Variants in MYRIP observed in about 807,000 individuals in gnomAD.
The protein encoded by MYRIP is rab effector MyRIP.
In MYRIP, 49 loss-of-function variants were observed where a neutral mutation model predicts 98.0. The ratio of observed to expected loss-of-function variants is 0.50; its 90% CI spans 0.40 to 0.63. MYRIP has a LOEUF of 0.63. MYRIP is among the 30% of genes least tolerant of loss of function. The pLI, the probability that MYRIP is intolerant of heterozygous loss-of-function variation, is 0.00. For missense variants in MYRIP, 1,004 were observed against 1,058.2 expected (o/e 0.95, Z 0.71); for synonymous variants, 404 against 409.5 (o/e 0.99, Z 0.16).
chr3:40,228,264 T>C (rs1336275690), intron 11 of MYRIP, among the ~76,000 whole-genome samples: 1 of 152,242 alleles, frequency 6.6e-6, no homozygotes, highest in African/African-American at 2.4e-5. Context: ...CAGGCACTTG[T>C]GCATTTATGG....
intron 3 of MYRIP, among the ~76,000 whole-genome samples, chr3:40,062,070 C>G (rs1575505647): frequency 6.6e-6 from 1 of 152,064 alleles, no homozygotes; most frequent in African/African-American, 2.4e-5. Context: ...CTGATAGTTT[C>G]TTTTGCTGTG....
chr3:39,928,960 C>A (rs527533924), intron 2 of MYRIP, among the ~76,000 whole-genome samples: 3 of 151,956 alleles, frequency 2.0e-5, no homozygotes, highest in Non-Finnish European at 4.4e-5. Flanking sequence ...ACTCCCAGAA[C>A]TAAAAGCAAA....
chr3:39,944,805 G>A (rs550925314), intron 2 of MYRIP, among the ~76,000 whole-genome samples: 183 of 151,988 alleles, frequency 1.2e-3, no homozygotes, highest in Admixed American at 3.9e-3. Context: ...ATATACAATC[G>A]CAAGAAGTAT....
chr3:40,025,934 T>C (rs891236401), intron 2 of MYRIP, among the ~76,000 whole-genome samples: 1 of 152,086 alleles, frequency 6.6e-6, no homozygotes, highest in Non-Finnish European at 1.5e-5. Flanking sequence ...GGGTCTATGT[T>C]CAGCTGTGCA....
At chr3:40,233,126 T>A (rs1952711771) in intron 11 of MYRIP, 1 of 152,184 alleles carries the variant, frequency 6.6e-6, no homozygotes, top group South Asian at 2.1e-4. Context: ...TTCCCCTGAT[T>A]AGGAAAACAA....
intron 3 of MYRIP, among the ~76,000 whole-genome samples, chr3:40,108,581 G>A (rs1949098382): frequency 6.6e-6 from 1 of 152,170 alleles, no homozygotes; most frequent in Non-Finnish European, 1.5e-5. Flanking sequence ...GAGTATCATG[G>A]CAGCCAAAGT....
intron 11 of MYRIP, among the ~76,000 whole-genome samples, chr3:40,224,471 C>G (rs1425699473): frequency 6.6e-6 from 1 of 151,838 alleles, no homozygotes; most frequent in African/African-American, 2.4e-5. Flanking sequence ...GAAAGGAACT[C>G]CTCCTGCCTG....
chr3:39,943,654 A>G lies in MYRIP; in HGVS notation c.110+42728A>G, dbSNP rs531795167. Among the ~76,000 whole-genome samples, 10 of 152,266 alleles carry G rather than the reference A, an allele frequency of 6.6e-5. 1 individual carries two copies. The South Asian group carries it at 1.9e-3, about 28-fold the overall frequency. On this transcript the variant is annotated intron_variant, in intron 2 of 16. Coordinates refer to ENST00000302541, the MANE Select transcript of MYRIP (RefSeq NM_015460.4). Reference sequence around the variant, plus strand: ...CTGGTGCTTAGTCATCAAAAGCCCTATTTAATATTTAGGCACTGTGAAAAA... The same window carrying G: ...CTGGTGCTTAGTCATCAAAAGCCCTGTTTAATATTTAGGCACTGTGAAAAA...
In MYRIP at chr3:40,205,172, A is replaced by G. The variant is rs115806167; in HGVS notation, c.1666-4682A>G. 6.3e-3 allele frequency among the ~76,000 whole-genome samples: 953 copies of G among 152,246 alleles called. 10 individuals are homozygous for G. Among genetic ancestry groups the G allele is most frequent in the African/African-American group, 0.022 (918 of 41,540 alleles). On this transcript the variant is annotated intron_variant, in intron 10 of 16. Transcript: ENST00000302541. ...CCATATCATCATGAGGTGGGGGGTC[A>G]GAGGTCACAGGCATCCTGCAAGGCT... is the stretch of plus-strand genomic sequence containing the variant.
chr3:39,943,598 G>A (rs1482006450), intron 2 of MYRIP, among the ~76,000 whole-genome samples: 2 of 152,104 alleles, frequency 1.3e-5, no homozygotes, highest in African/African-American at 4.8e-5. Context: ...TGTCCTATGA[G>A]ATCAGTACAT....
intron 10 of MYRIP, among the ~76,000 whole-genome samples, chr3:40,190,772 C>A (rs1951187876): frequency 6.6e-6 from 1 of 152,132 alleles, no homozygotes; most frequent in South Asian, 2.1e-4. Flanking sequence ...GGCATGGGAC[C>A]CAGCCGTGTC....
At chr3:39,977,899 T>C (rs1945794737) in intron 2 of MYRIP, among the ~76,000 whole-genome samples, 1 of 152,154 alleles carries the variant, frequency 6.6e-6, no homozygotes, top group South Asian at 2.1e-4. Flanking sequence ...TTTGGGTTTG[T>C]ACAAGAAATC....
intron 2 of MYRIP, among the ~76,000 whole-genome samples, chr3:39,912,955 A>G (rs1193598642): frequency 2.6e-5 from 4 of 152,272 alleles, no homozygotes; most frequent in South Asian, 2.1e-4. Flanking sequence ...CAGGAGAATC[A>G]CTTGAACCCA....
At chr3:40,080,791 C>CTTTTTTTTTTTTTTTTTTTTTTTT (rs34610302) in intron 3 of MYRIP, among the ~76,000 whole-genome samples, 3 of 93,838 alleles carry the variant, frequency 3.2e-5, no homozygotes, top group Non-Finnish European at 6.3e-5. Flanking sequence ...ATCCTAACTT[C>CTTTTTTTTTTTTTTTTTTTTTTTT]TTTTTTTTTT....
At chr3:39,849,948 G>A (rs1017199700) in intron 1 of MYRIP, among the ~76,000 whole-genome samples, 5 of 152,154 alleles carry the variant, frequency 3.3e-5, no homozygotes, top group South Asian at 2.1e-4. Flanking sequence ...TTAAAAGTTC[G>A]GATTTATAAC....
chr3:40,123,847 A>C (rs1314072679), intron 3 of MYRIP, among the ~76,000 whole-genome samples: 1 of 152,080 alleles, frequency 6.6e-6, no homozygotes, highest in Non-Finnish European at 1.5e-5. Context: ...ATGGAACAAA[A>C]CCCTGGCTCT....
chr3:39,913,406 A>G (rs1395655036), intron 2 of MYRIP, among the ~76,000 whole-genome samples: 1 of 152,210 alleles, frequency 6.6e-6, no homozygotes, highest in Admixed American at 6.5e-5. Flanking sequence ...TTTAATATCA[A>G]AGGAAGGTCT....
At position 39,900,644 on chromosome 3, in the gene MYRIP, G is replaced by A. The variant is rs538687344; in HGVS notation, c.-30-143G>A. 2.7e-5 allele frequency: 12 copies of A among 451,970 alleles called. No homozygotes were observed. The South Asian group carries it at 3.3e-4, about 13-fold the overall frequency. 28.0% of individuals were successfully genotyped at this position (451,970 alleles called of 1,614,324 possible). ...TTGGTGAGGTCATTTGTAAATATTT[G>A]CTGAGTCTGAGTCAAGAGAAAGATA... is the stretch of plus-strand genomic sequence containing the variant. On this transcript the variant is annotated intron_variant, in intron 1 of 16. Transcript: ENST00000302541.
chr3:40,188,651 C>T (rs1187088042), intron 9 of MYRIP, among the ~76,000 whole-genome samples: 1 of 152,128 alleles, frequency 6.6e-6, no homozygotes, highest in Non-Finnish European at 1.5e-5. Flanking sequence ...GTGGTGTGCA[C>T]CTGTAATCCC....
Sources: gnomAD v4.1 joint callset for allele counts (sites outside exome capture counted in the v4.1 genomes callset) on GRCh38, gnomAD v4.1.1 for gene constraint, MANE v1.5 for transcripts, NCBI Gene and HGNC (gene_info 2026-07-23, HGNC 2026-07-21) for gene names.